INSL6: variants seen among roughly 807,000 people sequenced by gnomAD.
INSL6 encodes insulin-like peptide INSL6.
In INSL6, 16 loss-of-function variants were observed where a neutral mutation model predicts 9.4. That is an observed-to-expected ratio of 1.70 (90% CI 1.15 to 2.59). INSL6 has a LOEUF of 2.59. INSL6 is among the 30% of genes most tolerant of loss of function. The pLI is 0.00. For missense variants in INSL6, 391 were observed against 257.3 expected, an observed-to-expected ratio of 1.52 and a Z score of -3.56; for synonymous variants, 154 against 96.9, an observed-to-expected ratio of 1.59 and a Z score of -3.46.
At chr9:5,174,047 A>T (rs1484159231) in intron 1 of INSL6, among the ~76,000 whole-genome samples, 2 of 152,256 alleles carry the variant, frequency 1.3e-5, no homozygotes, top group Admixed American at 6.5e-5. Flanking sequence ...CTCTAAAGCC[A>T]ATTTCTGCAC....
chr9:5,015,126 A>T, the INSL6 span, among the ~76,000 whole-genome samples: 6 of 152,216 alleles, frequency 3.9e-5, no homozygotes, highest in Non-Finnish European at 7.3e-5. Context: ...TATTTTAACA[A>T]CTGAGGAACA....
chr9:5,082,985 T>C, the INSL6 span, among the ~76,000 whole-genome samples: 2 of 152,216 alleles, frequency 1.3e-5, no homozygotes, highest in South Asian at 4.1e-4. Context: ...CTGATCTCTC[T>C]TTCTTTTCCC....
chr9:5,155,211 A>G (rs910413667), intron 2 of INSL6, among the ~76,000 whole-genome samples: 2 of 151,882 alleles, frequency 1.3e-5, no homozygotes, highest in Non-Finnish European at 2.9e-5. Flanking sequence ...CATTCTCAGC[A>G]AAGTATCCCA....
intron 2 of INSL6, among the ~76,000 whole-genome samples, chr9:5,151,789 T>G (rs899185246): frequency 6.6e-6 from 1 of 152,064 alleles, no homozygotes; most frequent in Non-Finnish European, 1.5e-5. Context: ...TAAACACAAA[T>G]CATATTGATA....
intron 3 of INSL6, chr9:5,126,750 G>T: frequency 6.2e-7 from 1 of 1,610,812 alleles, no homozygotes; most frequent in Non-Finnish European, 8.5e-7. Context: ...TAGGGATCTA[G>T]CTCTTCGAGT....
At chr9:5,126,128 T>TTA in intron 3 of INSL6, 2 of 455,660 alleles carry the variant, frequency 4.4e-6, no homozygotes, top group Non-Finnish European at 7.7e-6. Context: ...GTTGAGTTTA[T>TTA]TACAGCTATG....
the INSL6 span, among the ~76,000 whole-genome samples, chr9:5,025,478 C>T: frequency 1.3e-5 from 2 of 150,910 alleles, no homozygotes; most frequent in Non-Finnish European, 3.0e-5. Context: ...CTTCTTCTGT[C>T]TCTTTCTTGC....
chr9:5,106,546 C>G, the INSL6 span, among the ~76,000 whole-genome samples: 1 of 152,182 alleles, frequency 6.6e-6, no homozygotes, highest in Non-Finnish European at 1.5e-5. Flanking sequence ...CATCCCATTA[C>G]TGGGTATACA....
the INSL6 span, among the ~76,000 whole-genome samples, chr9:5,074,955 G>T: frequency 2.0e-5 from 3 of 152,340 alleles, no homozygotes; most frequent in South Asian, 4.1e-4. Flanking sequence ...TGCTACTCCT[G>T]TGAGCACATA....
At chr9:5,138,036 C>T (rs1824420004) in intron 2 of INSL6, among the ~76,000 whole-genome samples, 1 of 152,184 alleles carries the variant, frequency 6.6e-6, no homozygotes, top group Admixed American at 6.5e-5. Flanking sequence ...AATGAGATAT[C>T]ATCTCATGCC....
At chr9:5,143,418 G>A (rs903677027) in intron 2 of INSL6, among the ~76,000 whole-genome samples, 1 of 151,916 alleles carries the variant, frequency 6.6e-6, no homozygotes, top group Non-Finnish European at 1.5e-5. Context: ...AGTCTAGGGA[G>A]GGGGTATGTA....
chr9:5,123,045 C>T (rs2130853154), downstream of INSL6: 1 of 1,611,516 alleles, frequency 6.2e-7, no homozygotes, highest in Non-Finnish European at 8.5e-7. Flanking sequence ...TTTTCTGTGG[C>T]CTCAGATGTT....
rs138452027 is a variant in INSL6, at chr9:5,164,094, T to C, written c.461A>G (p.Lys154Arg). 7 of 1,613,198 alleles carry C rather than the reference T, an allele frequency of 4.3e-6. No individual in the cohort carries two copies. Among genetic ancestry groups the C allele is most frequent in the African/African-American group, 2.7e-5 (2 of 74,894 alleles). The change falls in exon 2 of 2, where the codon AAA becomes AGA. Residue 154 changes from lysine (K) to arginine (R), a missense_variant. By Grantham distance (26) the Lys-to-Arg change is conservative. Coordinates refer to ENST00000381641, the MANE Select transcript of INSL6 (RefSeq NM_007179.3). The stretch of plus-strand genomic sequence containing the variant: ...AAACAAATTGCTTAAGGTTTTAATT[T>C]TGTTTCTACGTTTCTTCTGAAATTT... The part of the protein sequence containing the change: ...NAKFQKKRRN[K>R]IKTLSNLFWG...
the INSL6 span, among the ~76,000 whole-genome samples, chr9:5,009,124 A>G: frequency 6.6e-6 from 1 of 152,234 alleles, no homozygotes; most frequent in Admixed American, 6.5e-5. Flanking sequence ...TATAACAGCA[A>G]CACATAAGTT....
chr9:5,170,487 A>G (rs1303909507), intron 1 of INSL6, among the ~76,000 whole-genome samples: 1 of 151,998 alleles, frequency 6.6e-6, no homozygotes, highest in Non-Finnish European at 1.5e-5. Context: ...AGAAATAACC[A>G]AGCTTAGAGC....
chr9:5,120,414 CATG>C (rs934337743), downstream of INSL6, among the ~76,000 whole-genome samples: 1 of 152,138 alleles, frequency 6.6e-6, no homozygotes, highest in Non-Finnish European at 1.5e-5. Context: ...GGATTTTGCC[CATG>C]ATATCATTTT....
intron 3 of INSL6, chr9:5,127,221 G>C (rs1433763314): frequency 8.6e-6 from 2 of 232,984 alleles, no homozygotes; most frequent in East Asian, 6.0e-5. Context: ...ACACACATGA[G>C]GGCTGGTGTT....
At chr9:5,160,439 A>G (rs1207436669), downstream of INSL6, among the ~76,000 whole-genome samples, 1 of 152,168 alleles carries the variant, frequency 6.6e-6, no homozygotes, top group East Asian at 1.9e-4. Context: ...TATGCGATAC[A>G]GGGAAAGCAG....
chr9:5,091,055 T>G, the INSL6 span: 1 of 610,682 alleles, frequency 1.6e-6, no homozygotes, highest in Non-Finnish European at 2.8e-6. Flanking sequence ...CTTTTTTTTT[T>G]TAGGTCTTAT....
Sources: allele counts gnomAD v4.1 joint callset (sites outside exome capture counted in the v4.1 genomes callset), GRCh38; gene constraint gnomAD v4.1.1; transcripts MANE v1.5; gene names NCBI Gene and HGNC (gene_info 2026-07-23, HGNC 2026-07-21).